The following SHTN1 variants were observed in gnomAD, a reference collection of about 807,000 sequenced individuals.
SHTN1 encodes shootin 1.
In SHTN1, 42 loss-of-function variants were observed where a neutral mutation model predicts 83.1. The observed-to-expected ratio is 0.51, with a 90% confidence interval of 0.39 to 0.65. The LOEUF is 0.65. Ranked by LOEUF, SHTN1 falls within the 30% of genes least tolerant of loss-of-function variation. The pLI is 0.00. For synonymous variants in SHTN1, 224 were observed against 247.7 expected (o/e 0.90, Z 0.90); for missense variants, 622 against 737.8 (o/e 0.84, Z 1.82).
chr10:116,915,348 G>A (rs1564874268), intron 13 of SHTN1, 27 bp downstream of exon 13: 1 of 1,177,148 alleles, frequency 8.5e-7, no homozygotes, highest in East Asian at 2.4e-5. Flanking sequence ...TATCAAACAG[G>A]GAAAAAAGCA....
In SHTN1 at chr10:117,065,727, TGAAA is replaced by T. The variant is rs869310024; in HGVS notation, c.-188-17221_-188-17218del. On this transcript the variant is annotated intron_variant, in intron 1 of 17. Coordinates refer to the SHTN1 transcript ENST00000392901. ...AGCGAGAGAGAGAGAGAGAGAGAGA[TGAAA>T]GAAAGAAAGAAAGAAAGAAAGAAAG... Among the ~76,000 whole-genome samples, 94 of 11,920 alleles carry T rather than the reference TGAAA, an allele frequency of 7.9e-3. 1 individual carries two copies. Among genetic ancestry groups the T allele is most frequent in the Non-Finnish European group, 0.011 (40 of 3,670 alleles). The allele number at this position is 11,920 out of a possible 152,430, so 7.8% of individuals were successfully genotyped here. A position where few individuals can be genotyped will look rare whatever the true frequency, so the allele number is the denominator to read the frequency against.
chr10:116,905,092 T>C (rs1384045209), intron 15 of SHTN1, among the ~76,000 whole-genome samples: 2 of 149,240 alleles, frequency 1.3e-5, no homozygotes, highest in Non-Finnish European at 3.0e-5. Flanking sequence ...TCCCAGCTAC[T>C]GGGGAGGCTG....
chr10:116,911,460 G>C, intron 14 of SHTN1: 1 of 1,547,738 alleles, frequency 6.5e-7, no homozygotes, highest in African/African-American at 1.4e-5. Flanking sequence ...TTATATTTCT[G>C]TTTTTCATCA....
chr10:116,989,514 T>G (rs1425618288), intron 1 of SHTN1, among the ~76,000 whole-genome samples: 5 of 152,200 alleles, frequency 3.3e-5, no homozygotes, highest in African/African-American at 9.7e-5. Context: ...GGACAGAGAA[T>G]TACAAAAACA....
At chr10:116,918,571 T>C (rs1230933482) in intron 12 of SHTN1, among the ~76,000 whole-genome samples, 2 of 152,196 alleles carry the variant, frequency 1.3e-5, no homozygotes. Flanking sequence ...TTAAAGAAAT[T>C]TCCTTAGCTA....
chr10:117,048,431 G>A (rs1852698240), intron 2 of SHTN1: 3 of 977,838 alleles, frequency 3.1e-6, no homozygotes, highest in Non-Finnish European at 3.6e-6. Flanking sequence ...CATCGGCACG[G>A]TCTTGTTACC....
At position 117,029,672 on chromosome 10, in the gene SHTN1, C is replaced by T. The variant is rs545128348; in HGVS notation, c.-123+18773G>A. Among the ~76,000 whole-genome samples, 3 of 152,164 alleles carry T rather than the reference C, an allele frequency of 2.0e-5. No individual in the cohort carries two copies. In the South Asian group the frequency reaches 6.2e-4, roughly 32 times the overall value. On this transcript the variant is annotated intron_variant, in intron 2 of 17. Transcript: ENST00000392901. ...CTGGTCATTTAAAAGTATGTGGCAC[C>T]TCCCTCCACCTTCTTGCTCCTGCTC...
At chr10:117,028,033 G>A (rs1049964421) in intron 2 of SHTN1, among the ~76,000 whole-genome samples, 2 of 152,178 alleles carry the variant, frequency 1.3e-5, no homozygotes, top group Admixed American at 6.5e-5. Flanking sequence ...GGTATTGACA[G>A]TGAAATCCAG....
chr10:116,905,429 G>A (rs1589793519), intron 15 of SHTN1, among the ~76,000 whole-genome samples: 1 of 152,044 alleles, frequency 6.6e-6, no homozygotes, highest in Non-Finnish European at 1.5e-5. Context: ...TAGGAGGGGA[G>A]AATCTTTGTA....
At chr10:117,023,273 T>C (rs1445243593) in intron 2 of SHTN1, among the ~76,000 whole-genome samples, 4 of 152,212 alleles carry the variant, frequency 2.6e-5, no homozygotes, top group Non-Finnish European at 5.9e-5. Context: ...TAGAAATCTG[T>C]CACGTGCAAA....
At chr10:117,004,139 G>C (rs1401876095) in intron 1 of SHTN1, among the ~76,000 whole-genome samples, 1 of 151,976 alleles carries the variant, frequency 6.6e-6, no homozygotes, top group African/African-American at 2.4e-5. Flanking sequence ...CACCTGCCTC[G>C]GCCTCCCAAA....
chr10:117,012,799 G>T (rs1466711311), intron 2 of SHTN1, among the ~76,000 whole-genome samples: 2 of 152,080 alleles, frequency 1.3e-5, no homozygotes, highest in Admixed American at 1.3e-4. Context: ...CCATAGATGA[G>T]GGAAAATATT....
intron 16 of SHTN1, among the ~76,000 whole-genome samples, chr10:116,891,206 T>C (rs762604022): frequency 3.3e-5 from 5 of 152,244 alleles, no homozygotes; most frequent in Non-Finnish European, 5.9e-5. Context: ...GTGAGAGTTA[T>C]TTTATAAAAT....
At chr10:116,902,443 G>A (rs1218567688) in intron 15 of SHTN1, among the ~76,000 whole-genome samples, 2 of 152,192 alleles carry the variant, frequency 1.3e-5, no homozygotes, top group Admixed American at 6.5e-5. Context: ...TCATTTTAAT[G>A]TGAATGAGAA....
At chr10:116,900,155 G>A (rs934606852) in intron 16 of SHTN1, among the ~76,000 whole-genome samples, 1 of 152,072 alleles carries the variant, frequency 6.6e-6, no homozygotes, top group Admixed American at 6.6e-5. Flanking sequence ...GAAAATACAC[G>A]GCATCAGTTA....
At chr10:117,048,077 A>G (rs1852692612) in intron 2 of SHTN1, among the ~76,000 whole-genome samples, 1 of 152,202 alleles carries the variant, frequency 6.6e-6, no homozygotes, top group Non-Finnish European at 1.5e-5. Context: ...AAAAGGGCAT[A>G]GTCCGGTGAA....
chr10:117,103,038 T>C lies in SHTN1; in HGVS notation c.-189+23269A>G, dbSNP rs559714341. On this transcript the variant is annotated intron_variant, in intron 1 of 17. Coordinates refer to the SHTN1 transcript ENST00000392901. ...CAGAATGATTATAAAAACTGAGGCC[T>C]TGTCTCATTTTGGTTCCTTGTTCTA... Among the ~76,000 whole-genome samples the C allele has an allele frequency of 1.2e-4, 19 of 152,352 alleles. No homozygotes were observed. The South Asian group carries it at 3.5e-3, about 28-fold the overall frequency.
Position 116,881,736 on chromosome 10 carries a change from C to A in SHTN1, c.*4608G>T. ...GTAGACCGGGAGGTCTGAAGTACGGCGCCGTGTCTCCACATGGAGTTTCCT... is the reference window on the plus strand; with the variant it reads ...GTAGACCGGGAGGTCTGAAGTACGGAGCCGTGTCTCCACATGGAGTTTCCT... On this transcript the variant is annotated 3_prime_UTR_variant, in exon 17 of 17. Transcript: ENST00000355371. 8.2e-7 allele frequency: 1 copy of A among 1,219,136 alleles called. No individual in the cohort carries two copies. The highest frequency in any genetic ancestry group is 1.1e-6 in the Non-Finnish European group (1 of 938,696). The allele number at this position is 1,219,136 out of a possible 1,614,324, so 75.5% of individuals were successfully genotyped here. A position where few individuals can be genotyped will look rare whatever the true frequency, so the allele number is the denominator to read the frequency against.
intron 1 of SHTN1, among the ~76,000 whole-genome samples, chr10:117,063,755 AT>A (rs1395319740): frequency 6.6e-6 from 1 of 152,022 alleles, no homozygotes; most frequent in Non-Finnish European, 1.5e-5. Context: ...ATCTTGCCTC[AT>A]TGTATTCCTA....
Sources: gnomAD v4.1 joint callset for allele counts (sites outside exome capture counted in the v4.1 genomes callset) on GRCh38, gnomAD v4.1.1 for gene constraint, MANE v1.5 for transcripts, NCBI Gene and HGNC (gene_info 2026-07-23, HGNC 2026-07-21) for gene names.